DENND1A: variants seen among roughly 807,000 people sequenced by gnomAD.
The protein encoded by DENND1A is DENN domain-containing protein 1A.
In DENND1A, 51 loss-of-function variants were observed where a neutral mutation model predicts 113.7. The observed-to-expected ratio is 0.45, with a 90% CI of 0.36 to 0.57. DENND1A has a LOEUF of 0.57. Ranked by LOEUF, DENND1A falls within the 20% of genes least tolerant of loss-of-function variation. DENND1A has a pLI of 0.00. For missense variants in DENND1A, 1,258 were observed against 1,395.9 expected, an observed-to-expected ratio of 0.90 and a Z score of 1.57; for synonymous variants, 565 against 570.8, an observed-to-expected ratio of 0.99 and a Z score of 0.14.
chr9:123,767,774 T>C (rs1019137171), intron 4 of DENND1A, among the ~76,000 whole-genome samples: 12 of 152,192 alleles, frequency 7.9e-5, no homozygotes, highest in African/African-American at 2.7e-4. Context: ...ATATTTTCTC[T>C]TGCTCACTTC....
intron 20 of DENND1A, among the ~76,000 whole-genome samples, chr9:123,408,004 T>C (rs1323461551): frequency 1.3e-5 from 2 of 152,136 alleles, no homozygotes; most frequent in African/African-American, 4.8e-5. Flanking sequence ...TTTCTTCTTT[T>C]TAAAAAGAAA....
At chr9:123,715,349 T>G (rs532487590) in intron 5 of DENND1A, among the ~76,000 whole-genome samples, 1 of 152,238 alleles carries the variant, frequency 6.6e-6, no homozygotes, top group East Asian at 1.9e-4. Context: ...TTCACTCACA[T>G]AAAAAGAGCC....
chr9:123,775,560 T>C (rs1830348908), intron 3 of DENND1A, among the ~76,000 whole-genome samples: 1 of 152,158 alleles, frequency 6.6e-6, no homozygotes. Context: ...AGAAATACTA[T>C]TTTGTAAGCA....
intron 9 of DENND1A, among the ~76,000 whole-genome samples, chr9:123,647,562 G>A (rs1464873757): frequency 6.6e-6 from 1 of 152,138 alleles, no homozygotes; most frequent in Admixed American, 6.5e-5. Flanking sequence ...CCTAAATTTT[G>A]TGTTAATTAT....
chr9:123,600,365 C>T (rs2059889258), intron 11 of DENND1A, among the ~76,000 whole-genome samples: 1 of 152,110 alleles, frequency 6.6e-6, no homozygotes, highest in African/African-American at 2.4e-5. Flanking sequence ...ATTGAAAACT[C>T]CTATGAAATG....
intron 4 of DENND1A, among the ~76,000 whole-genome samples, chr9:123,767,500 A>G (rs2131591712): frequency 6.6e-6 from 1 of 152,356 alleles, no homozygotes; most frequent in Non-Finnish European, 1.5e-5. Context: ...ACAAAAAGGC[A>G]TCAGATATTT....
At chr9:123,532,090 G>T (rs2055368549) in intron 13 of DENND1A, among the ~76,000 whole-genome samples, 1 of 152,232 alleles carries the variant, frequency 6.6e-6, no homozygotes, top group Middle Eastern at 3.4e-3. Context: ...ATTTTTCATA[G>T]GTGAAACCCT....
Position 123,422,692 on chromosome 9 carries a change from G to A in DENND1A, c.1489-10863C>T, listed in dbSNP as rs2045402296. 6.6e-6 allele frequency among the ~76,000 whole-genome samples: 1 copy of A among 152,228 alleles called. No individual in the cohort carries two copies. The highest frequency in any genetic ancestry group is 1.5e-5 in the Non-Finnish European group (1 of 68,046). On this transcript the variant is annotated intron_variant, in intron 19 of 23. Transcript: ENST00000394215. The surrounding 1 kb of genome is among the most constrained non-coding windows in gnomAD (Gnocchi z 4.8). ...CAGCTTCAAATGAAGAATATCAGAAGGCTGGGGGAATATGCGGCTCTCCAA... is the reference window on the plus strand; with the variant it reads ...CAGCTTCAAATGAAGAATATCAGAAAGCTGGGGGAATATGCGGCTCTCCAA...
intron 1 of DENND1A, among the ~76,000 whole-genome samples, chr9:123,897,801 C>G (rs1436878450): frequency 6.6e-6 from 1 of 151,966 alleles, no homozygotes; most frequent in African/African-American, 2.4e-5. Context: ...GACCCAGTCT[C>G]CACCAAAAAT....
At chr9:123,698,270 G>C (rs2065651573) in intron 5 of DENND1A, among the ~76,000 whole-genome samples, 1 of 152,128 alleles carries the variant, frequency 6.6e-6, no homozygotes, top group Non-Finnish European at 1.5e-5. Flanking sequence ...TATATTCCAA[G>C]TAATTAGAAA....
At chr9:123,782,872 C>G (rs551763461) in intron 3 of DENND1A, among the ~76,000 whole-genome samples, 3 of 151,694 alleles carry the variant, frequency 2.0e-5, no homozygotes, top group African/African-American at 7.3e-5. Flanking sequence ...CCAGCTCCCC[C>G]CGCTCACATA....
At chr9:123,508,041 C>T (rs974787591) in intron 13 of DENND1A, among the ~76,000 whole-genome samples, 5 of 151,980 alleles carry the variant, frequency 3.3e-5, no homozygotes, top group East Asian at 1.9e-4. Flanking sequence ...TCAAGCACAT[C>T]GGCGATGGGT....
intron 13 of DENND1A, among the ~76,000 whole-genome samples, chr9:123,529,116 T>C (rs1323234867): frequency 3.9e-5 from 6 of 152,234 alleles, no homozygotes; most frequent in South Asian, 2.1e-4. Context: ...AAATAACATA[T>C]GACCAATGCA....
chr9:123,604,997 G>A (rs909582315), intron 11 of DENND1A, among the ~76,000 whole-genome samples: 3 of 152,150 alleles, frequency 2.0e-5, no homozygotes, highest in African/African-American at 7.2e-5. Context: ...TCCCATAAGG[G>A]AGACACAGCC....
At chr9:123,453,412 G>C (rs1318737207) in intron 16 of DENND1A, among the ~76,000 whole-genome samples, 1 of 152,190 alleles carries the variant, frequency 6.6e-6, no homozygotes, top group Non-Finnish European at 1.5e-5. Context: ...AAGTGCAGAA[G>C]CTGAAAAGCC....
intron 1 of DENND1A, chr9:123,928,921 T>C: frequency 2.0e-6 from 2 of 983,786 alleles, no homozygotes; most frequent in Non-Finnish European, 2.4e-6. Context: ...ACTTTGCTTT[T>C]TAATGCCCTT....
At chr9:123,760,309 T>C (rs2131463283) in intron 4 of DENND1A, among the ~76,000 whole-genome samples, 2 of 152,330 alleles carry the variant, frequency 1.3e-5, no homozygotes, top group Non-Finnish European at 2.9e-5. Context: ...AACTCCCTTA[T>C]ACAGCCACAT....
At position 123,929,918 on chromosome 9, in the gene DENND1A, TC is replaced by T; in HGVS notation, c.-14del. The T allele has an allele frequency of 3.1e-6, 1 of 325,466 alleles. No homozygotes were observed. The highest frequency in any genetic ancestry group is 5.7e-6 in the Non-Finnish European group (1 of 174,536). The allele number at this position is 325,466 out of a possible 1,614,324, so 20.2% of individuals were successfully genotyped here. The stretch of plus-strand genomic sequence containing the variant: ...TCCTGGAGCCCATGGTCCCCAGGCC[TC>T]CTCATGGGCCCGCGGGCCCCGCTCG... On this transcript the variant is annotated 5_prime_UTR_variant, in exon 1 of 24. Transcript: ENST00000394215.
chr9:123,691,307 T>C (rs1438124645), intron 5 of DENND1A, among the ~76,000 whole-genome samples: 2 of 152,120 alleles, frequency 1.3e-5, no homozygotes, highest in East Asian at 1.9e-4. Flanking sequence ...TGGATCACAA[T>C]GCTACGTGAT....
Sources: allele counts gnomAD v4.1 joint callset (sites outside exome capture counted in the v4.1 genomes callset), GRCh38; gene constraint gnomAD v4.1.1; non-coding constraint Gnocchi (gnomAD v3.1); transcripts MANE v1.5; gene names NCBI Gene and HGNC (gene_info 2026-07-23, HGNC 2026-07-21).